The following SDCCAG8 variants were observed in gnomAD, a reference collection of about 807,000 sequenced individuals.
SDCCAG8 encodes the protein serologically defined colon cancer antigen 8.
SDCCAG8 carries 74 observed loss-of-function variants against 101.8 expected under a neutral mutation model. The ratio of observed to expected loss-of-function variants is 0.73; its 90% CI spans 0.60 to 0.88. SDCCAG8 has a LOEUF of 0.88. Among genes scored for constraint, SDCCAG8 ranks in the 40% least tolerant of loss-of-function variants. The probability of loss-of-function intolerance (pLI) is 0.00; values close to 1 mark genes in which losing one functional copy is unlikely to be tolerated. For synonymous variants in SDCCAG8, 281 were observed against 292.9 expected, an observed-to-expected ratio of 0.96 and a Z score of 0.41; for missense variants, 787 against 822.6, an observed-to-expected ratio of 0.96 and a Z score of 0.53.
chr1:243,423,271 T>C (rs1431856558), intron 15 of SDCCAG8, among the ~76,000 whole-genome samples: 1 of 152,112 alleles, frequency 6.6e-6, no homozygotes, highest in Non-Finnish European at 1.5e-5. Flanking sequence ...ATTTGGAAAA[T>C]ACAAAGAAGA....
At chr1:243,426,387 G>A (rs1303330581) in intron 15 of SDCCAG8, 40 bp from the exon 16 acceptor site, 2 of 1,571,934 alleles carry the variant, frequency 1.3e-6, no homozygotes, top group Non-Finnish European at 1.7e-6. Flanking sequence ...CTAGTAATAA[G>A]AACTTCTAAC....
chr1:243,352,996 C>T (rs1339887113), intron 12 of SDCCAG8, among the ~76,000 whole-genome samples: 1 of 152,104 alleles, frequency 6.6e-6, no homozygotes. Flanking sequence ...CCCTTTTGCC[C>T]TAAACTTCAT....
At chr1:243,348,031 T>C (rs200430265) in intron 12 of SDCCAG8, among the ~76,000 whole-genome samples, 2 of 146,654 alleles carry the variant, frequency 1.4e-5, no homozygotes, top group East Asian at 3.9e-4. Flanking sequence ...CATTTTTTTT[T>C]TTTTTCTTTT....
chr1:243,313,966 A>T (rs2149327892), intron 8 of SDCCAG8, among the ~76,000 whole-genome samples: 1 of 152,250 alleles, frequency 6.6e-6, no homozygotes, highest in East Asian at 1.9e-4. Flanking sequence ...ATGGAGTAGG[A>T]AGCAAGGCCT....
intron 6 of SDCCAG8, among the ~76,000 whole-genome samples, chr1:243,295,331 G>A (rs2070759839): frequency 1.3e-5 from 2 of 151,980 alleles, no homozygotes; most frequent in Non-Finnish European, 2.9e-5. Context: ...TCAGCCTCCC[G>A]GGTGCAAGCG....
intron 15 of SDCCAG8, among the ~76,000 whole-genome samples, chr1:243,418,648 A>G (rs542829508): frequency 1.3e-5 from 2 of 152,290 alleles, no homozygotes; most frequent in African/African-American, 4.8e-5. Flanking sequence ...ACTTTTTTCT[A>G]TACACTTTCT....
intron 13 of SDCCAG8, among the ~76,000 whole-genome samples, chr1:243,396,427 T>C (rs2079039195): frequency 6.6e-6 from 1 of 152,200 alleles, no homozygotes; most frequent in Non-Finnish European, 1.5e-5. Flanking sequence ...CATTGATTTG[T>C]ATATTATGGG....
At chr1:243,487,372 G>A (rs923619226) in intron 16 of SDCCAG8, among the ~76,000 whole-genome samples, 2 of 152,262 alleles carry the variant, frequency 1.3e-5, no homozygotes, top group South Asian at 2.1e-4. Context: ...GGGACGGGTA[G>A]GGGCCGATGA....
At chr1:243,293,836 T>C (rs769837031) in intron 6 of SDCCAG8, among the ~76,000 whole-genome samples, 24 of 152,236 alleles carry the variant, frequency 1.6e-4, no homozygotes, top group Admixed American at 3.9e-4. Context: ...AATTCTTCAT[T>C]CTTTTTTCTT....
chr1:243,445,390 T>C (rs2082833041), intron 16 of SDCCAG8, among the ~76,000 whole-genome samples: 1 of 152,252 alleles, frequency 6.6e-6, no homozygotes, highest in Admixed American at 6.5e-5. Context: ...TTTTCTACTG[T>C]ACCCACTCAA....
chr1:243,420,563 G>T (rs1283577023), intron 15 of SDCCAG8, among the ~76,000 whole-genome samples: 1 of 152,172 alleles, frequency 6.6e-6, no homozygotes, highest in African/African-American at 2.4e-5. Context: ...TAACTCTGAT[G>T]AATTAAAGCA....
chr1:243,380,949 T>G lies in SDCCAG8; in HGVS notation c.1616+2086T>G, dbSNP rs187346329. Among the ~76,000 whole-genome samples, 869 of 151,106 alleles carry G rather than the reference T, an allele frequency of 5.8e-3. 5 individuals carry two copies. The highest frequency in any genetic ancestry group is 0.022 in the South Asian group (107 of 4,756). ...ATATAGTACTTTTTTGTTTTTTTGG[T>G]TTTTTTTTGAAGTTTGCCACCCCTC... On this transcript the variant is annotated intron_variant, in intron 13 of 17. Coordinates refer to ENST00000366541, the MANE Select transcript of SDCCAG8 (RefSeq NM_006642.5).
chr1:243,410,294 T>C (rs936218391), intron 13 of SDCCAG8, among the ~76,000 whole-genome samples: 1 of 152,212 alleles, frequency 6.6e-6, no homozygotes. Context: ...ACACCAATGA[T>C]GTTAATCAAG....
intron 6 of SDCCAG8, among the ~76,000 whole-genome samples, chr1:243,300,018 C>T (rs935020345): frequency 6.6e-6 from 1 of 151,984 alleles, no homozygotes; most frequent in African/African-American, 2.4e-5. Context: ...GCGCATGCCA[C>T]CACACCCAGC....
chr1:243,499,915 T>C lies in SDCCAG8; in HGVS notation c.*130T>C. ...CCGCCTCAGCCTGCAGTGGGGCTGG[T>C]CCTCATCAACGCGGGCGCTGTCCCC... On this transcript the variant is annotated 3_prime_UTR_variant, in exon 18 of 18. Coordinates refer to ENST00000366541, the MANE Select transcript of SDCCAG8 (RefSeq NM_006642.5). 1.2e-6 allele frequency: 1 copy of C among 862,274 alleles called. No homozygotes were observed. The highest frequency in any genetic ancestry group is 2.6e-5 in the East Asian group (1 of 38,422). 53.4% of individuals were successfully genotyped at this position (862,274 alleles called of 1,614,324 possible).
chr1:243,382,224 G>A (rs139064974), intron 13 of SDCCAG8, among the ~76,000 whole-genome samples: 292 of 152,210 alleles, frequency 1.9e-3, no homozygotes, highest in Non-Finnish European at 3.1e-3. Context: ...AGGCAGGAGC[G>A]TCAACATGAT....
At chr1:243,392,660 A>G (rs1337218320) in intron 13 of SDCCAG8, among the ~76,000 whole-genome samples, 1 of 152,214 alleles carries the variant, frequency 6.6e-6, no homozygotes, top group Non-Finnish European at 1.5e-5. Flanking sequence ...CAGATCCTAC[A>G]CTCAAACTGA....
intron 13 of SDCCAG8, among the ~76,000 whole-genome samples, chr1:243,389,313 C>T (rs1044500352): frequency 2.6e-5 from 4 of 152,066 alleles, no homozygotes; most frequent in African/African-American, 9.7e-5. Flanking sequence ...AAAGAGGCAT[C>T]ATCAGTTCTT....
chr1:243,499,966 T>C lies in SDCCAG8; in HGVS notation c.*181T>C, dbSNP rs1669092581. On this transcript the variant is annotated 3_prime_UTR_variant, in exon 18 of 18. Coordinates refer to ENST00000366541, the MANE Select transcript of SDCCAG8 (RefSeq NM_006642.5). ...GCACGCAGTCGGGCTGGAGCTGGAG[T>C]CTGACTCTAGCTGAGCAGAGCTCCT... 1 of 659,542 alleles carries C rather than the reference T, an allele frequency of 1.5e-6. No individual in the cohort carries two copies. Among genetic ancestry groups the C allele is most frequent in the Non-Finnish European group, 2.8e-6 (1 of 363,462 alleles). The allele number at this position is 659,542 out of a possible 1,614,324, so 40.9% of individuals were successfully genotyped here.
Sources: allele counts gnomAD v4.1 joint callset (sites outside exome capture counted in the v4.1 genomes callset), GRCh38; gene constraint gnomAD v4.1.1; transcripts MANE v1.5; gene names NCBI Gene and HGNC (gene_info 2026-07-23, HGNC 2026-07-21).